Variants in OPN4 observed in about 807,000 individuals in gnomAD.
OPN4 encodes the protein opsin 4.
Under a neutral mutation model 49.5 loss-of-function variants are expected in OPN4, and 43 were observed. The observed-to-expected ratio is 0.87, with a 90% CI of 0.68 to 1.12. The LOEUF (loss-of-function observed/expected upper bound fraction) is 1.12. OPN4 is among the 50% of genes most tolerant of loss of function. OPN4 has a pLI of 0.00. For missense variants in OPN4, 657 were observed against 643.9 expected (o/e 1.02, Z -0.22); for synonymous variants, 263 against 258.0 (o/e 1.02, Z -0.19).
chr10:86,660,150 C>T (rs1453859065), intron 6 of OPN4, 91 bp downstream of exon 6: 15 of 1,429,508 alleles, frequency 1.0e-5, no homozygotes, highest in African/African-American at 2.8e-5. Flanking sequence ...AGCCCAACCC[C>T]GGCCAGCCAT....
At chr10:86,657,125 C>T in intron 2 of OPN4, 1 of 771,556 alleles carries the variant, frequency 1.3e-6, no homozygotes, top group South Asian at 1.4e-5. Flanking sequence ...CCTGGCTCTC[C>T]CACCTGCCAG....
At chr10:86,659,718 C>T (rs1843957895) in intron 5 of OPN4, among the ~76,000 whole-genome samples, 177 bp from the exon 6 acceptor site, 1 of 152,242 alleles carries the variant, frequency 6.6e-6, no homozygotes, top group Non-Finnish European at 1.5e-5. Flanking sequence ...TAGGGGGCAG[C>T]TGAGACCTCA....
At chr10:86,655,864 C>A (rs1436906729) in intron 1 of OPN4, among the ~76,000 whole-genome samples, 3 of 152,188 alleles carry the variant, frequency 2.0e-5, no homozygotes, top group South Asian at 4.1e-4. Flanking sequence ...AGGGCCATGT[C>A]CCTGCTTGCC....
At chr10:86,662,097 C>A (rs573619257) in intron 7 of OPN4, among the ~76,000 whole-genome samples, 155 bp from the exon 8 acceptor site, 4 of 152,154 alleles carry the variant, frequency 2.6e-5, no homozygotes, top group Non-Finnish European at 5.9e-5. Flanking sequence ...TTTCTGTCCT[C>A]ATCACCTGCC....
rs1476941029 is a variant in OPN4, at chr10:86,658,074, C to A, written c.333C>A (p.Asn111Lys). ...CACCTGCCAACATGTTCATTATCAA[C>A]CTCGCGGTCAGCGACTTCCTCATGT... ...LRTPANMFII[N>K]LAVSDFLMSF... The change falls in exon 3 of 10, where the codon AAC (asparagine) becomes AAA (lysine). Residue 111 changes from asparagine to lysine, a missense_variant. Physicochemically the swap from Asn to Lys is moderately conservative, Grantham distance 94 (BLOSUM62 0). Coordinates refer to ENST00000241891, the MANE Select transcript of OPN4 (RefSeq NM_033282.4). 1.9e-6 allele frequency: 3 copies of A among 1,613,852 alleles called. No homozygotes were observed. Among genetic ancestry groups the A allele is most frequent in the Non-Finnish European group, 1.7e-6 (2 of 1,180,028 alleles).
rs1844161452 is a variant in OPN4, at chr10:86,665,888, C to T, written c.*137C>T. On this transcript the variant is annotated 3_prime_UTR_variant, in exon 10 of 10. Coordinates refer to ENST00000241891, the MANE Select transcript of OPN4 (RefSeq NM_033282.4). Reference sequence around the variant, plus strand: ...TGTCACCCGTGCTGCACGGGATTCACAGCCCCAGCCCCATGGCCCCTCTCC... The same window carrying T: ...TGTCACCCGTGCTGCACGGGATTCATAGCCCCAGCCCCATGGCCCCTCTCC... The T allele has an allele frequency of 1.2e-5, 8 of 683,296 alleles. No individual in the cohort carries two copies. The highest frequency in any genetic ancestry group is 2.5e-4 in the Middle Eastern group (1 of 3,964). The allele number at this position is 683,296 out of a possible 1,614,324, so 42.3% of individuals were successfully genotyped here. A position where few individuals can be genotyped will look rare whatever the true frequency, so the allele number is the denominator to read the frequency against.
chr10:86,662,468 C>A, intron 8 of OPN4, 36 bp downstream of exon 8: 1 of 1,527,882 alleles, frequency 6.5e-7, no homozygotes, highest in Non-Finnish European at 8.8e-7. Context: ...TTGCGCCTGG[C>A]CATCCCTTCC....
At chr10:86,656,461 C>A (rs1280275590) in intron 2 of OPN4, among the ~76,000 whole-genome samples, 161 bp downstream of exon 2, 1 of 152,206 alleles carries the variant, frequency 6.6e-6, no homozygotes, top group Non-Finnish European at 1.5e-5. Context: ...AGGCCCAGAC[C>A]TTCCTGAAGG....
chr10:86,664,826 C>T (rs982417895), intron 9 of OPN4, among the ~76,000 whole-genome samples: 1 of 152,176 alleles, frequency 6.6e-6, no homozygotes, highest in Non-Finnish European at 1.5e-5. Context: ...GGCAGTGACC[C>T]CCAGGCTGGC....
intron 9 of OPN4, among the ~76,000 whole-genome samples, chr10:86,665,492 G>A (rs1262534827): frequency 5.9e-5 from 9 of 152,024 alleles, no homozygotes; most frequent in South Asian, 4.1e-4. Context: ...TCAAGAGCCC[G>A]GGGAGCATCC....
At chr10:86,661,160 G>A in intron 6 of OPN4, 121 bp from the exon 7 acceptor site, 1 of 770,898 alleles carries the variant, frequency 1.3e-6, no homozygotes, top group Non-Finnish European at 2.2e-6. Flanking sequence ...TCCCTATGGG[G>A]CTGACTTAGC....
In OPN4 at chr10:86,666,416, C is replaced by G; in HGVS notation, c.*665C>G. On this transcript the variant is annotated 3_prime_UTR_variant, in exon 10 of 10. Coordinates refer to ENST00000241891, the MANE Select transcript of OPN4 (RefSeq NM_033282.4). ...TCCTCCCAGGGCTGTGTGGATCTGA[C>G]AGGGTATAGGAAAATAAAAAGCGGA... 2 of 188,782 alleles carry G rather than the reference C, an allele frequency of 1.1e-5. No individual in the cohort carries two copies. The highest frequency in any genetic ancestry group is 2.2e-5 in the Non-Finnish European group (2 of 90,182). 11.7% of individuals were successfully genotyped at this position (188,782 alleles called of 1,614,324 possible). A position where few individuals can be genotyped will look rare whatever the true frequency, so the allele number is the denominator to read the frequency against.
chr10:86,656,287 T>A lies in OPN4; in HGVS notation c.277T>A (p.Tyr93Asn). 1.2e-6 allele frequency: 2 copies of A among 1,603,670 alleles called. No homozygotes were observed. The highest frequency in any genetic ancestry group is 1.7e-6 in the Non-Finnish European group (2 of 1,173,266). ...TGMLGNLTVI[Y>N]TFCRSRSLRT... ...GATGCTGGGCAACCTGACGGTCATCTATACCTTCTGCAGGTGCCTGGTTGG... is the reference window on the plus strand; with the variant it reads ...GATGCTGGGCAACCTGACGGTCATCAATACCTTCTGCAGGTGCCTGGTTGG... The change falls in exon 2 of 10, where the codon TAT becomes AAT. Residue 93 changes from tyrosine (Y) to asparagine (N), a missense_variant. Physicochemically the swap from Tyr to Asn is moderately radical, Grantham distance 143 (BLOSUM62 -2). Coordinates refer to ENST00000241891, the MANE Select transcript of OPN4 (RefSeq NM_033282.4).
Position 86,659,487 on chromosome 10 carries a change from G to T in OPN4, c.800+19G>T. 1.2e-6 allele frequency: 2 copies of T among 1,611,870 alleles called. No homozygotes were observed. The highest frequency in any genetic ancestry group is 1.7e-6 in the Non-Finnish European group (2 of 1,179,238). ...CAGGACGGTAAGAGCCGAGCATGGA[G>T]GGGGGCTACAGGAGGGGGACCGGCC... is the stretch of plus-strand genomic sequence containing the variant. On this transcript the variant is annotated intron_variant, in intron 5 of 9. Coordinates refer to ENST00000241891, the MANE Select transcript of OPN4 (RefSeq NM_033282.4).
intron 1 of OPN4, 74 bp downstream of exon 1, chr10:86,655,001 G>A (rs2254051): frequency 0.12 from 178,844 of 1,482,470 alleles, 12,166 homozygotes; most frequent in Middle Eastern, 0.15. Flanking sequence ...GCCACACACA[G>A]GGGCTTTGAC....
rs764696037 is a variant in OPN4 at position 86,658,621 on chromosome 10, G to C, written c.562G>C (p.Ala188Pro). The change falls in exon 4 of 10, where the codon GCA (alanine) becomes CCA (proline). Residue 188 changes from alanine (A) to proline (P), a missense_variant. By Grantham distance (27) the Ala-to-Pro change is conservative. Transcript: ENST00000241891. ...TGGTGTGGCGTCCAAGAGGCGTGCG[G>C]CATTTGTCCTGCTGGGCGTTTGGCT... ...TFGVASKRRA[A>P]FVLLGVWLYA... 1.2e-6 allele frequency: 2 copies of C among 1,614,142 alleles called. No individual in the cohort carries two copies. The highest frequency in any genetic ancestry group is 1.7e-6 in the Non-Finnish European group (2 of 1,180,050).
Position 86,657,186 on chromosome 10 carries a change from G to A in OPN4, c.291-846G>A, listed in dbSNP as rs778346973. ...CCTCCTTGAGCTCACTTTTCTTTCC[G>A]CAAAACAGAGCTGTGCTTCGTGGAG... is the stretch of plus-strand genomic sequence containing the variant. On this transcript the variant is annotated intron_variant, in intron 2 of 9. Coordinates refer to ENST00000241891, the MANE Select transcript of OPN4 (RefSeq NM_033282.4). The A allele has an allele frequency of 2.0e-4, 158 of 780,114 alleles. 1 individual carries two copies. In the East Asian group the frequency reaches 3.7e-3, roughly 18 times the overall value. The allele number at this position is 780,114 out of a possible 1,614,324, so 48.3% of individuals were successfully genotyped here.
At chr10:86,660,203 G>A (rs1843971299) in intron 6 of OPN4, 144 bp downstream of exon 6, 1 of 959,398 alleles carries the variant, frequency 1.0e-6, no homozygotes, top group Admixed American at 2.4e-5. Flanking sequence ...TCTCTCCCTG[G>A]GTAAGGTGCC....
chr10:86,654,611 C>G lies in OPN4; in HGVS notation c.-173C>G, dbSNP rs550224294. 3.6e-6 allele frequency: 3 copies of G among 844,774 alleles called. No individual in the cohort carries two copies. Among genetic ancestry groups the G allele is most frequent in the East Asian group, 5.2e-5 (2 of 38,276 alleles). 52.3% of individuals were successfully genotyped at this position (844,774 alleles called of 1,614,324 possible). ...CACCAGACACAGAGCAACCGCCAGC[C>G]CCAAGAGCAGCTCCAGGCTGGATCT... On this transcript the variant is annotated 5_prime_UTR_variant, in exon 1 of 10. Coordinates refer to ENST00000241891, the MANE Select transcript of OPN4 (RefSeq NM_033282.4).
Sources: gnomAD v4.1 joint callset for allele counts (sites outside exome capture counted in the v4.1 genomes callset) on GRCh38, gnomAD v4.1.1 for gene constraint, MANE v1.5 for transcripts, NCBI Gene and HGNC (gene_info 2026-07-23, HGNC 2026-07-21) for gene names.